The following TBC1D5 variants were observed in gnomAD, a reference collection of about 807,000 sequenced individuals.
The protein encoded by TBC1D5 is TBC1 domain family member 5.
TBC1D5 carries 75 observed loss-of-function variants against 100.3 expected under a neutral mutation model. That is an observed-to-expected ratio of 0.75 (90% confidence interval 0.62 to 0.91). The LOEUF (loss-of-function observed/expected upper bound fraction) is 0.91, where lower values mean the gene tolerates loss of function less well. Ranked by LOEUF, TBC1D5 falls within the 40% of genes least tolerant of loss-of-function variation. The probability of loss-of-function intolerance (pLI) is 0.00; values close to 1 mark genes in which losing one functional copy is unlikely to be tolerated. For synonymous variants in TBC1D5, 323 were observed against 325.6 expected (o/e 0.99, Z 0.09); for missense variants, 910 against 942.4 (o/e 0.97, Z 0.45).
At chr3:17,527,967 T>G (rs935611602) in intron 2 of TBC1D5, among the ~76,000 whole-genome samples, 5 of 152,042 alleles carry the variant, frequency 3.3e-5, no homozygotes, top group Non-Finnish European at 2.9e-5. Context: ...ATTGTTATGT[T>G]CAGGCCCCTG....
chr3:17,295,657 A>G (rs2150240647), intron 14 of TBC1D5, among the ~76,000 whole-genome samples: 1 of 152,374 alleles, frequency 6.6e-6, no homozygotes, highest in South Asian at 2.1e-4. Context: ...TAATGTTTGT[A>G]AATACATGCA....
chr3:17,485,003 G>C (rs2095544731), intron 3 of TBC1D5, among the ~76,000 whole-genome samples: 1 of 152,012 alleles, frequency 6.6e-6, no homozygotes, highest in Non-Finnish European at 1.5e-5. Context: ...ATTTAACAGA[G>C]ATATGATAAA....
intron 2 of TBC1D5, among the ~76,000 whole-genome samples, chr3:17,588,656 A>G (rs1163296129): frequency 6.6e-6 from 1 of 152,084 alleles, no homozygotes; most frequent in Non-Finnish European, 1.5e-5. Flanking sequence ...GTGCACTCCT[A>G]GGGAGAATTT....
chr3:17,669,471 T>C (rs1464952041), intron 1 of TBC1D5, among the ~76,000 whole-genome samples: 1 of 152,206 alleles, frequency 6.6e-6, no homozygotes, highest in African/African-American at 2.4e-5. Flanking sequence ...GTTATTATTA[T>C]ACTACTTGGA....
At chr3:17,589,140 A>C (rs1239634228) in intron 2 of TBC1D5, among the ~76,000 whole-genome samples, 1 of 152,244 alleles carries the variant, frequency 6.6e-6, no homozygotes, top group African/African-American at 2.4e-5. Flanking sequence ...AGTTCTGAGA[A>C]GATTTTAAGC....
chr3:17,465,307 A>G, intron 3 of TBC1D5: 1 of 172,024 alleles, frequency 5.8e-6, no homozygotes, highest in Non-Finnish European at 1.3e-5. Context: ...GGAGAGGGGA[A>G]CTCCAGAACT....
chr3:17,682,572 T>A (rs951188510), intron 1 of TBC1D5, among the ~76,000 whole-genome samples: 9 of 151,402 alleles, frequency 5.9e-5, no homozygotes, highest in Admixed American at 3.9e-4. Flanking sequence ...CTGTTAAACA[T>A]ACACTTTACA....
chr3:17,239,764 A>G (rs2076160534), intron 16 of TBC1D5, among the ~76,000 whole-genome samples: 1 of 123,928 alleles, frequency 8.1e-6, no homozygotes, highest in East Asian at 1.9e-4. Context: ...AACATTTGTT[A>G]GATGAACAAT....
chr3:17,530,812 T>C (rs1020112790), intron 2 of TBC1D5, among the ~76,000 whole-genome samples: 8 of 152,138 alleles, frequency 5.3e-5, no homozygotes, highest in African/African-American at 1.9e-4. Flanking sequence ...CCCAATAAAT[T>C]AGGTATTGAT....
intron 1 of TBC1D5, among the ~76,000 whole-genome samples, chr3:17,642,230 G>A (rs754494852): frequency 1.3e-4 from 20 of 152,006 alleles, no homozygotes; most frequent in South Asian, 1.2e-3. Flanking sequence ...ATTGTGTTCT[G>A]GGCACAGTAC....
chr3:17,683,647 T>C (rs998711166), intron 1 of TBC1D5, among the ~76,000 whole-genome samples: 2 of 152,188 alleles, frequency 1.3e-5, no homozygotes, highest in African/African-American at 4.8e-5. Flanking sequence ...TGTAATGGGC[T>C]ACACAGAAAG....
chr3:17,454,298 T>C (rs2094997876), intron 3 of TBC1D5, among the ~76,000 whole-genome samples: 1 of 152,018 alleles, frequency 6.6e-6, no homozygotes, highest in African/African-American at 2.4e-5. Flanking sequence ...ACGGTATAAA[T>C]GGTATCCGAA....
At chr3:17,202,053 C>T (rs1258911663) in intron 18 of TBC1D5, among the ~76,000 whole-genome samples, 1 of 152,168 alleles carries the variant, frequency 6.6e-6, no homozygotes, top group Non-Finnish European at 1.5e-5. Context: ...AAGTTTGGAA[C>T]TTCCTGGAAA....
At chr3:17,374,502 C>G (rs1344343620) in exon 12 of TBC1D5, 2 of 1,611,906 alleles carry the variant, frequency 1.2e-6, no homozygotes, top group South Asian at 2.2e-5. Context: ...AGTTGAAAAC[C>G]AAGGTTCAGC....
intron 21 of TBC1D5, among the ~76,000 whole-genome samples, chr3:17,162,595 C>CATTCT (rs1192133002): frequency 6.6e-6 from 1 of 152,200 alleles, no homozygotes; most frequent in East Asian, 1.9e-4. Context: ...CTGTTGTTAA[C>CATTCT]ATTCTATTAA....
chr3:17,178,437 C>A (rs1219610776), intron 19 of TBC1D5, among the ~76,000 whole-genome samples: 1 of 152,046 alleles, frequency 6.6e-6, no homozygotes, highest in Non-Finnish European at 1.5e-5. Context: ...AGGTTGCTTC[C>A]AAATGTTAGC....
intron 3 of TBC1D5, among the ~76,000 whole-genome samples, chr3:17,503,780 A>C (rs1047677459): frequency 6.7e-6 from 1 of 149,756 alleles, no homozygotes; most frequent in Admixed American, 6.6e-5. Context: ...TTATGGCCAC[A>C]AATTTCTTAG....
chr3:17,454,554 G>T (rs1031383084), intron 3 of TBC1D5, among the ~76,000 whole-genome samples: 1 of 152,076 alleles, frequency 6.6e-6, no homozygotes, highest in African/African-American at 2.4e-5. Flanking sequence ...CCGCCTCCCG[G>T]GTTCACGCCA....
At chr3:17,732,538 G>A (rs895345128) in intron 1 of TBC1D5, among the ~76,000 whole-genome samples, 1 of 151,574 alleles carries the variant, frequency 6.6e-6, no homozygotes, top group African/African-American at 2.4e-5. Context: ...GACCAATAGA[G>A]ATGGCCACCA....
Sources: allele counts gnomAD v4.1 joint callset (sites outside exome capture counted in the v4.1 genomes callset), GRCh38; gene constraint gnomAD v4.1.1; transcripts MANE v1.5; gene names NCBI Gene and HGNC (gene_info 2026-07-23, HGNC 2026-07-21).